GLS: variants seen among roughly 807,000 people sequenced by gnomAD.
The protein encoded by GLS is glutaminase, also known as glutaminase kidney isoform, mitochondrial.
GLS carries 36 observed loss-of-function variants against 86.7 expected under a neutral mutation model. The ratio of observed to expected loss-of-function variants is 0.42; its 90% CI spans 0.32 to 0.55. The LOEUF is 0.55. GLS is among the 20% of genes least tolerant of loss of function. The pLI, the probability that GLS is intolerant of heterozygous loss-of-function variation, is 0.17. For missense variants in GLS, 528 were observed against 833.4 expected, an observed-to-expected ratio of 0.63 and a Z score of 4.51; for synonymous variants, 317 against 305.9, an observed-to-expected ratio of 1.04 and a Z score of -0.38.
chr2:190,913,314 TA>T lies in GLS; in HGVS notation c.1038+2995del. ...GCCTGTTGCATAAATTCTTAACTAC[TA>T]AGCTTATAGGAAAACTCCAATATTT... On this transcript the variant is annotated intron_variant, in intron 7 of 17. Coordinates refer to ENST00000320717, the MANE Select transcript of GLS (RefSeq NM_014905.5). This position sits in a 1 kb window ranked among gnomAD's most constrained non-coding sequence, Gnocchi z 6.1. 1 of 1,253,020 alleles carries T rather than the reference TA, an allele frequency of 8.0e-7. No homozygotes were observed. Among genetic ancestry groups the T allele is most frequent in the South Asian group, 1.4e-5 (1 of 72,584 alleles). The allele number at this position is 1,253,020 out of a possible 1,614,324, so 77.6% of individuals were successfully genotyped here.
At chr2:190,900,480 T>C (rs3771313) in intron 3 of GLS, 84 bp from the exon 4 acceptor site, 328,431 of 597,672 alleles carry the variant, frequency 0.55, 96,696 homozygotes, top group Non-Finnish European at 0.62. Context: ...ATTATTTAAA[T>C]AGTGTCCTAA....
chr2:190,910,222 T>TTC, intron 6 of GLS, 41 bp from the exon 7 acceptor site: 1 of 1,105,084 alleles, frequency 9.0e-7, no homozygotes, highest in Non-Finnish European at 1.4e-6. Context: ...ACTCAAGTGT[T>TTC]TAAGTATTTG....
Position 190,955,042 on chromosome 2 carries a change from C to T in GLS, c.1853+224C>T, listed in dbSNP as rs564414665. Among the ~76,000 whole-genome samples the T allele has an allele frequency of 9.0e-4, 136 of 151,888 alleles. No homozygotes were observed. The highest frequency in any genetic ancestry group is 1.0e-3 in the Non-Finnish European group (69 of 67,986). On this transcript the variant is annotated intron_variant, in intron 17 of 17. Transcript: ENST00000320717. The surrounding 1 kb of genome is among the most constrained non-coding windows in gnomAD (Gnocchi z 5.6). ...TTTAGAAATTTTCAGGTTGATTTGA[C>T]CATTAGTCAATACACTGTATGAACA...
At chr2:190,928,337 CTTT>C (rs765860136) in intron 12 of GLS, among the ~76,000 whole-genome samples, 5 of 140,040 alleles carry the variant, frequency 3.6e-5, no homozygotes, top group Admixed American at 1.4e-4. Flanking sequence ...ATTATTATTT[CTTT>C]TTTTTTTTTT....
At chr2:190,882,890 A>G (rs570010826) in intron 1 of GLS, among the ~76,000 whole-genome samples, 41 of 152,332 alleles carry the variant, frequency 2.7e-4, no homozygotes, top group African/African-American at 8.7e-4. Context: ...ATGATAATTT[A>G]ATCTCATCTG....
chr2:190,949,117 A>AC lies in GLS; in HGVS notation c.1651-4448_1651-4447insC, dbSNP rs1209282191. On this transcript the variant is annotated intron_variant, in intron 14 of 17. Coordinates refer to ENST00000320717, the MANE Select transcript of GLS (RefSeq NM_014905.5). The surrounding 1 kb of genome is among the most constrained non-coding windows in gnomAD (Gnocchi z 4.0). The stretch of plus-strand genomic sequence containing the variant: ...AGAGCATAGACACCAAGACAAAAAC[A>AC]AGGGCAGTAAGACCAATTTTGCTCT... Among the ~76,000 whole-genome samples the AC allele has an allele frequency of 6.6e-6, 1 of 152,188 alleles. No homozygotes were observed. Among genetic ancestry groups the AC allele is most frequent in the African/African-American group, 2.4e-5 (1 of 41,446 alleles).
intron 6 of GLS, among the ~76,000 whole-genome samples, chr2:190,906,396 C>T (rs1342576413): frequency 2.6e-5 from 4 of 151,808 alleles, no homozygotes; most frequent in Non-Finnish European, 4.4e-5. Context: ...AACAAAAAAA[C>T]AAAATGGGCT....
chr2:190,881,227 CG>C lies in GLS; in HGVS notation c.145del (p.Ala49LeufsTer83). The C allele has an allele frequency of 2.4e-6, 3 of 1,246,100 alleles. No individual in the cohort carries two copies. The highest frequency in any genetic ancestry group is 3.0e-6 in the Non-Finnish European group (3 of 998,372). 77.2% of individuals were successfully genotyped at this position (1,246,100 alleles called of 1,614,324 possible). ...PRGGGRPAAG[P>X]AAAARLHPWW... ...GGCGGGGGACGGCCGGCCGCGGGCC[CG>C]GCTGCCGCCGCGCGACTCCACCCGT... is the stretch of plus-strand genomic sequence containing the variant. On this transcript the variant is annotated frameshift_variant, in exon 1 of 18. Coordinates refer to ENST00000320717, the MANE Select transcript of GLS (RefSeq NM_014905.5). LOFTEE classifies it high-confidence loss of function.
chr2:190,930,130 G>A lies in GLS; in HGVS notation c.1426-307G>A, dbSNP rs999739617. ...CATCCAGGCTGGAGTGCAGTGGTGC[G>A]ATCATGGCTCACTGTAGCCTTGACC... On this transcript the variant is annotated intron_variant, in intron 12 of 17. Transcript: ENST00000320717. The surrounding 1 kb of genome is among the most constrained non-coding windows in gnomAD (Gnocchi z 5.0). Among the ~76,000 whole-genome samples, 1 of 151,286 alleles carries A rather than the reference G, an allele frequency of 6.6e-6. No homozygotes were observed. The highest frequency in any genetic ancestry group is 1.5e-5 in the Non-Finnish European group (1 of 67,890).
At chr2:190,933,417 T>G (rs955102390) in intron 14 of GLS, 29 of 851,656 alleles carry the variant, frequency 3.4e-5, no homozygotes, top group Non-Finnish European at 4.1e-5. Context: ...TTTTTGGTGA[T>G]AGATTGGCTT....
At chr2:190,918,228 T>G (rs1469302518) in intron 7 of GLS, among the ~76,000 whole-genome samples, 2 of 152,182 alleles carry the variant, frequency 1.3e-5, no homozygotes, top group Admixed American at 1.3e-4. Flanking sequence ...TCATCTACAT[T>G]TAAAACCTGT....
At chr2:190,896,654 G>A (rs894251442) in intron 3 of GLS, 2 of 152,192 alleles carry the variant, frequency 1.3e-5, no homozygotes, top group Non-Finnish European at 2.9e-5. Context: ...GTTCTCTGAA[G>A]TTTCCTGGCA....
intron 1 of GLS, among the ~76,000 whole-genome samples, chr2:190,887,899 T>TAC (rs913980910): frequency 3.3e-5 from 5 of 152,182 alleles, no homozygotes; most frequent in African/African-American, 1.2e-4. Flanking sequence ...GGTAATGTTA[T>TAC]AACGGCCAAA....
intron 7 of GLS, among the ~76,000 whole-genome samples, chr2:190,915,943 C>G (rs1358421344): frequency 1.3e-5 from 2 of 152,096 alleles, no homozygotes; most frequent in Non-Finnish European, 2.9e-5. Context: ...GGCTAGAGTA[C>G]TGTATGACTT....
chr2:190,914,137 T>A lies in GLS; in HGVS notation c.1038+3816T>A, dbSNP rs771058344. On this transcript the variant is annotated intron_variant, in intron 7 of 17. Transcript: ENST00000320717. This position sits in a 1 kb window ranked among gnomAD's most constrained non-coding sequence, Gnocchi z 4.4. ...TTCCAGTTTTTGTCATTTAAAGAAG[T>A]TCAATTTTCTTTTTAATCAAAAGTA... Among the ~76,000 whole-genome samples, 1 of 152,240 alleles carries A rather than the reference T, an allele frequency of 6.6e-6. No homozygotes were observed. The highest frequency in any genetic ancestry group is 1.5e-5 in the Non-Finnish European group (1 of 68,038).
At chr2:190,961,094 A>G (rs1373236815) in intron 17 of GLS, among the ~76,000 whole-genome samples, 2 of 152,218 alleles carry the variant, frequency 1.3e-5, no homozygotes, top group Non-Finnish European at 2.9e-5. Context: ...TACCCACCTG[A>G]TAAGAAAAAG....
intron 1 of GLS, among the ~76,000 whole-genome samples, chr2:190,882,623 T>C (rs986499439): frequency 2.6e-5 from 4 of 152,214 alleles, no homozygotes; most frequent in East Asian, 3.8e-4. Context: ...CTTGATGTTT[T>C]CCTGTAATTG....
intron 1 of GLS, among the ~76,000 whole-genome samples, chr2:190,884,529 A>G (rs1368958921): frequency 1.3e-5 from 2 of 152,210 alleles, no homozygotes; most frequent in Non-Finnish European, 2.9e-5. Context: ...GCCCATATGG[A>G]CATTTTTATC....
intron 4 of GLS, among the ~76,000 whole-genome samples, chr2:190,901,229 T>C (rs912541349): frequency 2.6e-5 from 4 of 152,112 alleles, no homozygotes; most frequent in African/African-American, 7.2e-5. Flanking sequence ...ACTACTGTTA[T>C]AAGCGTTACC....
Sources: gnomAD v4.1 joint callset for allele counts (sites outside exome capture counted in the v4.1 genomes callset) on GRCh38, gnomAD v4.1.1 for gene constraint, Gnocchi (gnomAD v3.1) non-coding constraint, MANE v1.5 for transcripts, NCBI Gene and HGNC (gene_info 2026-07-23, HGNC 2026-07-21) for gene names.